Variants in PCSK5 observed in about 807,000 individuals in gnomAD.
PCSK5 encodes proprotein convertase subtilisin/kexin type 5, also known as prohormone convertase 5.
PCSK5 carries 129 observed loss-of-function variants against 233.2 expected under a neutral mutation model. That is an observed-to-expected ratio of 0.55 (90% CI 0.48 to 0.64). The LOEUF (loss-of-function observed/expected upper bound fraction) is 0.64, where lower values mean the gene tolerates loss of function less well. PCSK5 is among the 30% of genes least tolerant of loss of function. The pLI is 0.00. For synonymous variants in PCSK5, 825 were observed against 879.2 expected (o/e 0.94, Z 1.09); for missense variants, 2,076 against 2,430.1 (o/e 0.85, Z 3.06).
intron 1 of PCSK5, among the ~76,000 whole-genome samples, chr9:75,923,984 T>C (rs1823365654): frequency 6.6e-6 from 1 of 152,166 alleles, no homozygotes; most frequent in African/African-American, 2.4e-5. Context: ...GCTTCCTCTT[T>C]TCTTTATAAG....
intron 3 of PCSK5, among the ~76,000 whole-genome samples, chr9:76,005,222 C>T (rs1732141481): frequency 6.6e-6 from 1 of 152,074 alleles, no homozygotes; most frequent in Non-Finnish European, 1.5e-5. Context: ...GAGTATATTC[C>T]CTGAGGCAAT....
chr9:76,209,198 C>A (rs1825233170), intron 20 of PCSK5, among the ~76,000 whole-genome samples: 1 of 152,166 alleles, frequency 6.6e-6, no homozygotes, highest in Non-Finnish European at 1.5e-5. Context: ...ACCTTGTCAA[C>A]TAACTTTCAG....
chr9:76,033,304 T>C (rs1163327556), intron 5 of PCSK5, among the ~76,000 whole-genome samples: 1 of 152,218 alleles, frequency 6.6e-6, no homozygotes, highest in Non-Finnish European at 1.5e-5. Context: ...CATTTTTTCT[T>C]TGTACCAAGG....
intron 20 of PCSK5, among the ~76,000 whole-genome samples, chr9:76,226,997 A>C (rs73650498): frequency 0.014 from 2,069 of 152,290 alleles, 45 homozygotes; most frequent in African/African-American, 0.047. Flanking sequence ...TGTAGCTTAC[A>C]ATCACCCAAT....
chr9:75,939,716 T>C (rs1824215150), intron 2 of PCSK5, among the ~76,000 whole-genome samples: 4 of 152,258 alleles, frequency 2.6e-5, no homozygotes, highest in South Asian at 2.1e-4. Context: ...CCATGCGCTA[T>C]GCATATGTGG....
At chr9:75,954,548 A>G (rs1240814398) in intron 2 of PCSK5, among the ~76,000 whole-genome samples, 2 of 152,200 alleles carry the variant, frequency 1.3e-5, no homozygotes, top group Admixed American at 6.5e-5. Context: ...TTTAAGATCA[A>G]ATTTACTCAT....
intron 30 of PCSK5, among the ~76,000 whole-genome samples, chr9:76,319,755 T>C (rs904204999): frequency 5.3e-5 from 8 of 152,334 alleles, no homozygotes; most frequent in African/African-American, 1.7e-4. Context: ...CCTGTGGTGC[T>C]GTGCTTCGGT....
chr9:76,173,496 C>CTTTTT (rs59248860), intron 13 of PCSK5, among the ~76,000 whole-genome samples: 11 of 61,006 alleles, frequency 1.8e-4, no homozygotes, highest in African/African-American at 5.1e-4. Flanking sequence ...GGCACGTTTC[C>CTTTTT]TTTTTTTTTT....
At chr9:76,186,923 C>T (rs1167061736) in intron 17 of PCSK5, among the ~76,000 whole-genome samples, 2 of 152,096 alleles carry the variant, frequency 1.3e-5, no homozygotes, top group Non-Finnish European at 1.5e-5. Context: ...CCTTAGTCTC[C>T]TTGAGGCCCC....
chr9:75,891,560 CACA>C (rs1338931289), intron 1 of PCSK5, among the ~76,000 whole-genome samples, 187 bp downstream of exon 1: 3 of 151,356 alleles, frequency 2.0e-5, no homozygotes, highest in African/African-American at 7.3e-5. Context: ...CACACACACA[CACA>C]CCCCAGAGTT....
chr9:75,995,829 TA>T (rs1826997905), intron 3 of PCSK5, among the ~76,000 whole-genome samples: 1 of 151,950 alleles, frequency 6.6e-6, no homozygotes, highest in Admixed American at 6.6e-5. Flanking sequence ...ATGACTTCAC[TA>T]GGAAGAAAAA....
rs568863029 is a variant in PCSK5, at chr9:76,268,374, G to A, written c.3143-23859G>A. Among the ~76,000 whole-genome samples, 13 of 152,234 alleles carry A rather than the reference G, an allele frequency of 8.5e-5. No individual in the cohort carries two copies. The East Asian group carries it at 2.5e-3, about 29-fold the overall frequency. On this transcript the variant is annotated intron_variant, in intron 24 of 37. Coordinates refer to ENST00000674117, the MANE Select transcript of PCSK5 (RefSeq NM_001372043.1). ...CTACTTTTTCTAAATAACACCAAGT[G>A]TTTTTTTAAAGCCCACAGTGATAAG...
At chr9:76,142,099 C>A (rs935887411) in intron 10 of PCSK5, among the ~76,000 whole-genome samples, 2 of 151,850 alleles carry the variant, frequency 1.3e-5, no homozygotes, top group African/African-American at 4.8e-5. Context: ...ACCTATATAA[C>A]AAACCTGCAT....
chr9:76,108,388 G>T (rs1832065084), intron 9 of PCSK5, among the ~76,000 whole-genome samples: 1 of 152,200 alleles, frequency 6.6e-6, no homozygotes, highest in Non-Finnish European at 1.5e-5. Context: ...TCATCTAGCT[G>T]CACCCTGAAG....
intron 3 of PCSK5, among the ~76,000 whole-genome samples, chr9:76,010,618 T>A (rs1827690415): frequency 6.6e-6 from 1 of 152,220 alleles, no homozygotes; most frequent in Admixed American, 6.5e-5. Flanking sequence ...CTTTCTCCAC[T>A]TTTTCCACTT....
chr9:76,064,037 G>T, intron 5 of PCSK5, among the ~76,000 whole-genome samples: 1 of 101,152 alleles, frequency 9.9e-6, no homozygotes. Context: ...CCCGGACGGG[G>T]CAGCTGGCCG....
intron 2 of PCSK5, among the ~76,000 whole-genome samples, chr9:75,934,280 G>A (rs565995749): frequency 5.9e-5 from 9 of 152,246 alleles, no homozygotes; most frequent in East Asian, 1.9e-4. Context: ...TCTGCTCATC[G>A]TTCCCACCTA....
At chr9:76,245,433 A>G (rs909677599) in intron 24 of PCSK5, among the ~76,000 whole-genome samples, 1 of 152,182 alleles carries the variant, frequency 6.6e-6, no homozygotes. Flanking sequence ...AAAAAAGAGA[A>G]CCTCTGGGCA....
chr9:76,046,729 T>G (rs1283169811), intron 5 of PCSK5, among the ~76,000 whole-genome samples: 13 of 151,046 alleles, frequency 8.6e-5, no homozygotes, highest in Admixed American at 7.2e-4. Flanking sequence ...CCCGGCCAAT[T>G]TTTTGTATTT....
Sources: gnomAD v4.1 joint callset for allele counts (sites outside exome capture counted in the v4.1 genomes callset) on GRCh38, gnomAD v4.1.1 for gene constraint, MANE v1.5 for transcripts, NCBI Gene and HGNC (gene_info 2026-07-23, HGNC 2026-07-21) for gene names.